Variants in NTRK2 observed in about 807,000 individuals in gnomAD.
NTRK2 encodes BDNF/NT-3 growth factors receptor.
In NTRK2, 13 loss-of-function variants were observed where a neutral mutation model predicts 94.5. The observed-to-expected ratio is 0.14, with a 90% CI of 0.09 to 0.22. The LOEUF (loss-of-function observed/expected upper bound fraction) is 0.22. NTRK2 is among the 10% of genes least tolerant of loss of function. NTRK2 has a pLI of 1.00. For missense variants in NTRK2, 639 were observed against 1,071.2 expected, an observed-to-expected ratio of 0.60 and a Z score of 5.63; for synonymous variants, 372 against 407.4, an observed-to-expected ratio of 0.91 and a Z score of 1.05.
At chr9:84,993,947 C>T (rs1829414567) in intron 17 of NTRK2, among the ~76,000 whole-genome samples, 1 of 152,130 alleles carries the variant, frequency 6.6e-6, no homozygotes, top group Non-Finnish European at 1.5e-5. Context: ...GGCTTCCAGC[C>T]CAAAGCAAAT....
chr9:84,762,294 C>G (rs1038240843), intron 12 of NTRK2, among the ~76,000 whole-genome samples: 2 of 152,212 alleles, frequency 1.3e-5, no homozygotes, highest in Non-Finnish European at 2.9e-5. Flanking sequence ...CCATCTCTTC[C>G]TGGAATGGTG....
chr9:84,674,454 C>A (rs1283186565), intron 2 of NTRK2, among the ~76,000 whole-genome samples: 5 of 152,140 alleles, frequency 3.3e-5, no homozygotes, highest in African/African-American at 7.2e-5. Context: ...ATAAGCTTTG[C>A]CATTGCAATT....
At position 84,873,505 on chromosome 9, in the gene NTRK2, C is replaced by T. The variant is rs201865415; in HGVS notation, c.1633+6074C>T. ...TCCTTCCCCCTCTCAGTGCCACGGC[C>T]CCCCCATTGCTAGCTACAACAATTT... On this transcript the variant is annotated intron_variant, in intron 14 of 18. Transcript: ENST00000277120. 2.7e-5 allele frequency: 29 copies of T among 1,059,088 alleles called. No homozygotes were observed. In the East Asian group the frequency reaches 3.6e-4, roughly 13 times the overall value. 65.6% of individuals were successfully genotyped at this position (1,059,088 alleles called of 1,614,324 possible). A position where few individuals can be genotyped will look rare whatever the true frequency, so the allele number is the denominator to read the frequency against.
intron 17 of NTRK2, among the ~76,000 whole-genome samples, chr9:85,004,604 C>T (rs1223488533): frequency 6.6e-6 from 1 of 152,012 alleles, no homozygotes; most frequent in Non-Finnish European, 1.5e-5. Context: ...GGAGGGAATT[C>T]GCAGAAACAT....
At chr9:84,924,248 A>G (rs150103212) in intron 14 of NTRK2, among the ~76,000 whole-genome samples, 74 of 144,594 alleles carry the variant, frequency 5.1e-4, no homozygotes, top group African/African-American at 1.8e-3. Context: ...AGAAAGAAAG[A>G]AAGAAAGAAA....
intron 14 of NTRK2, among the ~76,000 whole-genome samples, chr9:84,888,649 A>AAAAAAAG (rs2076494237): frequency 1.4e-5 from 2 of 141,090 alleles, no homozygotes; most frequent in Admixed American, 7.2e-5. Context: ...AAAAAAAAAA[A>AAAAAAAG]GTGGCAGAGA....
At chr9:84,722,408 G>C (rs1312189756) in intron 6 of NTRK2, among the ~76,000 whole-genome samples, 1 of 152,036 alleles carries the variant, frequency 6.6e-6, no homozygotes, top group South Asian at 2.1e-4. Context: ...TAAGAGAAAG[G>C]TTTATCCATA....
At chr9:84,775,433 G>T (rs1044932796) in intron 12 of NTRK2, among the ~76,000 whole-genome samples, 3 of 152,174 alleles carry the variant, frequency 2.0e-5, no homozygotes, top group African/African-American at 7.2e-5. Flanking sequence ...CTTAGCCAGA[G>T]ATATTGCCAG....
At chr9:84,777,706 AAAAAGTCCTG>A (rs2067184884) in intron 12 of NTRK2, among the ~76,000 whole-genome samples, 2 of 152,198 alleles carry the variant, frequency 1.3e-5, no homozygotes, top group African/African-American at 2.4e-5. Flanking sequence ...AGCCAGCTCA[AAAAAGTCCTG>A]AAAATTAGAC....
At chr9:84,953,081 C>G (rs1197937705) in intron 16 of NTRK2, among the ~76,000 whole-genome samples, 7 of 152,110 alleles carry the variant, frequency 4.6e-5, no homozygotes, top group African/African-American at 1.7e-4. Context: ...GTGCTGAGGT[C>G]ATAGTAGATT....
intron 9 of NTRK2, among the ~76,000 whole-genome samples, chr9:84,736,696 C>T (rs1388462864): frequency 6.6e-6 from 1 of 152,204 alleles, no homozygotes; most frequent in Non-Finnish European, 1.5e-5. Context: ...GCTTCTTATA[C>T]CTCAGGAGTG....
Position 84,737,214 on chromosome 9 carries a change from T to A in NTRK2, c.1160-4678T>A, listed in dbSNP as rs148960857. ...GGCCTCCCCATTATTTTTTATCTTGTTAGCAGAATGGAAAATGAACCCTAC... is the reference window on the plus strand; with the variant it reads ...GGCCTCCCCATTATTTTTTATCTTGATAGCAGAATGGAAAATGAACCCTAC... On this transcript the variant is annotated intron_variant, in intron 9 of 18. Coordinates refer to ENST00000277120, the MANE Select transcript of NTRK2 (RefSeq NM_006180.6). Among the ~76,000 whole-genome samples the A allele has an allele frequency of 6.5e-3, 996 of 152,332 alleles. 8 individuals carry two copies. Among genetic ancestry groups the A allele is most frequent in the Middle Eastern group, 0.034 (10 of 294 alleles).
At chr9:84,934,127 T>A (rs2078134286) in intron 14 of NTRK2, 35 bp from the exon 15 acceptor site, 2 of 1,612,904 alleles carry the variant, frequency 1.2e-6, no homozygotes, top group Admixed American at 1.7e-5. Context: ...TCCACATGCT[T>A]CAATTCCAAT....
chr9:84,730,783 C>CAAAAAAAAAAAAAAAAAAAAAAAAAA, intron 9 of NTRK2, among the ~76,000 whole-genome samples: 4 of 24,140 alleles, frequency 1.7e-4, no homozygotes, highest in African/African-American at 3.5e-4. Flanking sequence ...AAACAAATAG[C>CAAAAAAAAAAAAAAAAAAAAAAAAAA]AAAAAAAAAA....
At chr9:84,844,288 TGCC>T (rs1364191288) in intron 12 of NTRK2, among the ~76,000 whole-genome samples, 3 of 152,242 alleles carry the variant, frequency 2.0e-5, no homozygotes, top group Non-Finnish European at 4.4e-5. Context: ...TGCTGGCTGC[TGCC>T]TTTTCAGCCA....
chr9:84,872,826 A>T, intron 14 of NTRK2: 1 of 1,064,784 alleles, frequency 9.4e-7, no homozygotes, highest in Non-Finnish European at 1.1e-6. Context: ...GAAAGAAGAC[A>T]TTATAAAGGG....
At chr9:84,869,957 C>A (rs2075766081) in intron 14 of NTRK2, among the ~76,000 whole-genome samples, 1 of 151,546 alleles carries the variant, frequency 6.6e-6, no homozygotes, top group Non-Finnish European at 1.5e-5. Context: ...ACAAAAAAAT[C>A]TTTTCTTTGA....
intron 12 of NTRK2, among the ~76,000 whole-genome samples, chr9:84,831,820 C>A (rs2073565720): frequency 6.6e-6 from 1 of 152,188 alleles, no homozygotes; most frequent in Non-Finnish European, 1.5e-5. Context: ...GATGTAAGTA[C>A]ACTTAGGAGA....
intron 2 of NTRK2, among the ~76,000 whole-genome samples, chr9:84,681,516 G>A (rs1042259809): frequency 6.6e-6 from 1 of 152,192 alleles, no homozygotes; most frequent in African/African-American, 2.4e-5. Context: ...GGGATATGGT[G>A]AGAAAAACTG....
Sources: gnomAD v4.1 joint callset for allele counts (sites outside exome capture counted in the v4.1 genomes callset) on GRCh38, gnomAD v4.1.1 for gene constraint, MANE v1.5 for transcripts, NCBI Gene and HGNC (gene_info 2026-07-23, HGNC 2026-07-21) for gene names.